HS3ST3A1: variants seen among roughly 807,000 people sequenced by gnomAD.
HS3ST3A1 encodes heparan sulfate glucosamine 3-O-sulfotransferase 3A1.
HS3ST3A1 carries 19 observed loss-of-function variants against 25.7 expected under a neutral mutation model. That is an observed-to-expected ratio of 0.74 (90% CI 0.52 to 1.08). The LOEUF (loss-of-function observed/expected upper bound fraction) is 1.08. Among genes scored for constraint, HS3ST3A1 ranks in the 50% least tolerant of loss-of-function variants. The probability of loss-of-function intolerance (pLI) is 0.00; values close to 1 mark genes in which losing one functional copy is unlikely to be tolerated. For missense variants in HS3ST3A1, 459 were observed against 594.3 expected (o/e 0.77, Z 2.37); for synonymous variants, 226 against 278.6 (o/e 0.81, Z 1.88).
chr17:13,499,417 C>A lies in HS3ST3A1; in HGVS notation c.600-2599G>T, dbSNP rs117109572. Among the ~76,000 whole-genome samples the A allele has an allele frequency of 3.7e-4, 56 of 152,322 alleles. 1 individual carries two copies. In the East Asian group the frequency reaches 0.011, roughly 29 times the overall value. On this transcript the variant is annotated intron_variant, in intron 1 of 1. Coordinates refer to ENST00000284110, the MANE Select transcript of HS3ST3A1 (RefSeq NM_006042.3). ...TTTGGGCTTGGAAAGCAATCATCAA[C>A]TACACTGAAGTGATAAGAAAGAGTA...
intron 1 of HS3ST3A1, among the ~76,000 whole-genome samples, chr17:13,497,636 C>G (rs1039183297): frequency 1.2e-4 from 19 of 152,240 alleles, no homozygotes; most frequent in African/African-American, 4.6e-4. Flanking sequence ...AGGCTTTCTA[C>G]TGGCCTCAGT....
chr17:13,512,022 G>A (rs906916989), intron 1 of HS3ST3A1, among the ~76,000 whole-genome samples: 1 of 152,154 alleles, frequency 6.6e-6, no homozygotes, highest in African/African-American at 2.4e-5. Context: ...TTAGATCAGA[G>A]GTCATCAAGC....
intron 1 of HS3ST3A1, among the ~76,000 whole-genome samples, chr17:13,497,477 A>G (rs1392181048): frequency 6.6e-6 from 1 of 152,206 alleles, no homozygotes; most frequent in Non-Finnish European, 1.5e-5. Flanking sequence ...ATGTACACCA[A>G]AGTAAATTCT....
intron 1 of HS3ST3A1, among the ~76,000 whole-genome samples, chr17:13,551,629 G>GT (rs1907250049): frequency 6.7e-6 from 1 of 148,948 alleles, no homozygotes; most frequent in African/African-American, 2.5e-5. Flanking sequence ...AAAAAAAGGG[G>GT]GGGGGGTATT....
At chr17:13,547,805 TG>T (rs1907127857) in intron 1 of HS3ST3A1, among the ~76,000 whole-genome samples, 1 of 152,108 alleles carries the variant, frequency 6.6e-6, no homozygotes, top group Admixed American at 6.5e-5. Context: ...GCATCTGATA[TG>T]GGGCAGCCTT....
At chr17:13,540,019 A>G (rs1906884571) in intron 1 of HS3ST3A1, among the ~76,000 whole-genome samples, 2 of 152,208 alleles carry the variant, frequency 1.3e-5, no homozygotes. Flanking sequence ...TCTCTAAAAC[A>G]TGGTTTAGAT....
chr17:13,502,063 G>A lies in HS3ST3A1; in HGVS notation c.600-5245C>T, dbSNP rs1022165955. 7.2e-5 allele frequency among the ~76,000 whole-genome samples: 11 copies of A among 152,164 alleles called. No individual in the cohort carries two copies. The South Asian group carries it at 2.1e-3, about 29-fold the overall frequency. ...AACTGCTTGGCAATTTTCCTATCTG[G>A]CTCAAACATCATGCCACTCTACCGT... On this transcript the variant is annotated intron_variant, in intron 1 of 1. Coordinates refer to ENST00000284110, the MANE Select transcript of HS3ST3A1 (RefSeq NM_006042.3).
intron 1 of HS3ST3A1, among the ~76,000 whole-genome samples, chr17:13,502,618 G>A (rs1247667701): frequency 6.6e-6 from 1 of 152,084 alleles, no homozygotes; most frequent in Non-Finnish European, 1.5e-5. Flanking sequence ...GCCCTCTCTG[G>A]AAGTACTTCT....
At chr17:13,539,952 G>A (rs1165616684) in intron 1 of HS3ST3A1, among the ~76,000 whole-genome samples, 2 of 152,212 alleles carry the variant, frequency 1.3e-5, no homozygotes, top group Admixed American at 1.3e-4. Context: ...GCTACAAAGA[G>A]AGGGTGCTCC....
At chr17:13,574,086 C>T (rs1036247210) in intron 1 of HS3ST3A1, among the ~76,000 whole-genome samples, 17 of 151,300 alleles carry the variant, frequency 1.1e-4, no homozygotes, top group Admixed American at 5.9e-4. Context: ...CCAGTACTCT[C>T]TATCCTTGTG....
chr17:13,555,208 A>G (rs116551670), intron 1 of HS3ST3A1, among the ~76,000 whole-genome samples: 1 of 152,162 alleles, frequency 6.6e-6, no homozygotes, highest in South Asian at 2.1e-4. Flanking sequence ...TTCTGCCTGG[A>G]GTTCATCCTC....
intron 1 of HS3ST3A1, among the ~76,000 whole-genome samples, chr17:13,505,476 T>C (rs952067860): frequency 6.6e-5 from 10 of 151,950 alleles, no homozygotes; most frequent in African/African-American, 1.9e-4. Context: ...CTGCAGGTGG[T>C]TTAATACTTT....
intron 1 of HS3ST3A1, among the ~76,000 whole-genome samples, chr17:13,554,730 A>G (rs1471153577): frequency 2.0e-5 from 3 of 152,204 alleles, no homozygotes; most frequent in Non-Finnish European, 4.4e-5. Context: ...CACGAAGAGG[A>G]AATGTTCATC....
intron 1 of HS3ST3A1, among the ~76,000 whole-genome samples, chr17:13,559,587 T>C (rs1166691354): frequency 2.0e-5 from 3 of 149,628 alleles, no homozygotes; most frequent in African/African-American, 4.9e-5. Context: ...TTTGATCTTG[T>C]ATTATATGTT....
At chr17:13,547,944 C>CAA (rs750200323) in intron 1 of HS3ST3A1, among the ~76,000 whole-genome samples, 74 of 53,370 alleles carry the variant, frequency 1.4e-3, no homozygotes, top group East Asian at 3.3e-3. Context: ...TGGTGTGAGC[C>CAA]AAAAAAAAAA....
intron 1 of HS3ST3A1, among the ~76,000 whole-genome samples, chr17:13,500,354 T>A (rs1394733955): frequency 6.6e-6 from 1 of 152,190 alleles, no homozygotes; most frequent in Non-Finnish European, 1.5e-5. Context: ...AAACCTACAA[T>A]TACTTTTGCA....
At chr17:13,506,503 CA>C (rs1459266608) in intron 1 of HS3ST3A1, among the ~76,000 whole-genome samples, 1 of 152,176 alleles carries the variant, frequency 6.6e-6, no homozygotes, top group Non-Finnish European at 1.5e-5. Context: ...AATAATTACA[CA>C]GAGCAATTCT....
chr17:13,588,055 A>C (rs1908322934), intron 1 of HS3ST3A1, among the ~76,000 whole-genome samples: 1 of 152,224 alleles, frequency 6.6e-6, no homozygotes, highest in South Asian at 2.1e-4. Flanking sequence ...AGCACATATG[A>C]GATATTTGAA....
chr17:13,574,183 G>T (rs1203294380), intron 1 of HS3ST3A1, among the ~76,000 whole-genome samples: 2 of 146,408 alleles, frequency 1.4e-5, no homozygotes, highest in East Asian at 4.2e-4. Context: ...ACTCAGGCTG[G>T]AGTACAGTGG....
Sources: allele counts gnomAD v4.1 joint callset (sites outside exome capture counted in the v4.1 genomes callset), GRCh38; gene constraint gnomAD v4.1.1; transcripts MANE v1.5; gene names NCBI Gene and HGNC (gene_info 2026-07-23, HGNC 2026-07-21).